Variants in DHRSX observed in about 807,000 individuals in gnomAD.
The protein encoded by DHRSX is polyprenol dehydrogenase.
A neutral mutation model predicts 34.0 loss-of-function variants in DHRSX; 31 were observed. The observed-to-expected ratio is 0.91, with a 90% CI of 0.69 to 1.23. DHRSX has a LOEUF of 1.23. Ranked by LOEUF, DHRSX falls within the 50% of genes most tolerant of loss-of-function variation. The probability of loss-of-function intolerance (pLI) is 0.00; values close to 1 mark genes in which losing one functional copy is unlikely to be tolerated. For missense variants in DHRSX, 414 were observed against 428.1 expected (o/e 0.97, Z 0.29); for synonymous variants, 201 against 183.8 (o/e 1.09, Z -0.76).
At chrX:2,437,899 A>G (rs960919170) in intron 1 of DHRSX, among the ~76,000 whole-genome samples, 4 of 152,024 alleles carry the variant, frequency 2.6e-5, no homozygotes, top group Non-Finnish European at 4.4e-5. Context: ...TCAGAGTCCA[A>G]TTCATGAAAA....
chrX:2,425,291 T>C lies in DHRSX; in HGVS notation c.123A>G (p.Arg41=), dbSNP rs2043830155. ...GGFLEPVFPP[R]PDRVAIVTGG... is the part of the protein sequence containing the mutation. Reference sequence around the variant, plus strand: ...CCGTCACTATAGCGACACGGTCAGGTCGTGGGGGGAAAACTGAAAAAGAAG... The same window carrying C: ...CCGTCACTATAGCGACACGGTCAGGCCGTGGGGGGAAAACTGAAAAAGAAG... The change falls in exon 2 of 7, where the codon CGA becomes CGG. Residue 41 remains arginine (R), a synonymous_variant. Coordinates refer to ENST00000334651, the MANE Select transcript of DHRSX (RefSeq NM_145177.3). 1 of 1,613,248 alleles carries C rather than the reference T, an allele frequency of 6.2e-7. No individual in the cohort carries two copies. The highest frequency in any genetic ancestry group is 1.7e-5 in the Admixed American group (1 of 59,878).
At chrX:2,396,765 CT>C (rs71309495) in intron 3 of DHRSX, among the ~76,000 whole-genome samples, 60,590 of 127,948 alleles carry the variant, frequency 0.47, 13,801 homozygotes, top group African/African-American at 0.54. Context: ...CTGTGTCTCC[CT>C]TTTTTTTTTT....
intron 2 of DHRSX, among the ~76,000 whole-genome samples, chrX:2,418,827 G>C (rs1340861243): frequency 6.6e-6 from 1 of 152,180 alleles, no homozygotes; most frequent in East Asian, 1.9e-4. Flanking sequence ...TTGTCATGTT[G>C]TTAATGATAC....
chrX:2,485,197 G>A (rs1318317654), intron 1 of DHRSX, among the ~76,000 whole-genome samples: 1 of 152,128 alleles, frequency 6.6e-6, no homozygotes, highest in Non-Finnish European at 1.5e-5. Flanking sequence ...TTAGGGAAAT[G>A]TCTCTGTAAG....
chrX:2,223,042 G>A (rs370682888), intron 6 of DHRSX, among the ~76,000 whole-genome samples: 25 of 152,276 alleles, frequency 1.6e-4, no homozygotes, highest in African/African-American at 5.8e-4. Context: ...TCCCAAGTCT[G>A]GAAATCACCT....
intron 5 of DHRSX, among the ~76,000 whole-genome samples, chrX:2,250,369 G>A (rs183892673): frequency 6.6e-6 from 1 of 152,068 alleles, no homozygotes; most frequent in African/African-American, 2.4e-5. Context: ...AGTTTATTAT[G>A]AAAGTAGAAG....
intron 3 of DHRSX, among the ~76,000 whole-genome samples, chrX:2,382,603 CCATCACCATCATCACCACCAT>C (rs2043217486): frequency 8.7e-5 from 2 of 23,056 alleles, no homozygotes; most frequent in Non-Finnish European, 2.4e-4. Context: ...ACCATCATCA[CCATCACCATCATCACCACCAT>C]CATCACCATC....
chrX:2,344,847 A>C (rs1339225967), intron 3 of DHRSX, among the ~76,000 whole-genome samples: 1 of 140,250 alleles, frequency 7.1e-6, no homozygotes, highest in African/African-American at 2.6e-5. Context: ...CATGTACCCC[A>C]GAACTTAAAG....
chrX:2,359,890 C>G, intron 3 of DHRSX, among the ~76,000 whole-genome samples: 1 of 152,012 alleles, frequency 6.6e-6, no homozygotes, highest in South Asian at 2.1e-4. Context: ...CATATGGACA[C>G]AGAGAGGGGA....
chrX:2,276,379 A>G lies in DHRSX; in HGVS notation c.389-9432T>C, dbSNP rs181347357. ...TGTCTCTTCGCCAATTCAAAGGTGG[A>G]GAATACACAATAGAACTATCGTTCA... is the stretch of plus-strand genomic sequence containing the variant. On this transcript the variant is annotated intron_variant, in intron 4 of 6. Coordinates refer to ENST00000334651, the MANE Select transcript of DHRSX (RefSeq NM_145177.3). Among the ~76,000 whole-genome samples the G allele has an allele frequency of 8.6e-4, 131 of 152,322 alleles. 3 individuals are homozygous for G. In the East Asian group the frequency reaches 0.023, roughly 26 times the overall value.
chrX:2,249,892 G>T (rs2016396235), intron 5 of DHRSX, among the ~76,000 whole-genome samples: 1 of 151,864 alleles, frequency 6.6e-6, no homozygotes, highest in Non-Finnish European at 1.5e-5. Context: ...GGCCAGGCAT[G>T]GTGGCTCACG....
At chrX:2,340,143 A>C (rs1258549842) in intron 3 of DHRSX, among the ~76,000 whole-genome samples, 1 of 151,862 alleles carries the variant, frequency 6.6e-6, no homozygotes, top group Non-Finnish European at 1.5e-5. Context: ...GAACAATAAG[A>C]ACACATGGAC....
chrX:2,364,732 T>C (rs866209617), intron 3 of DHRSX, among the ~76,000 whole-genome samples: 37 of 152,252 alleles, frequency 2.4e-4, no homozygotes, highest in Non-Finnish European at 1.5e-5. Flanking sequence ...AAGTACATAT[T>C]TATCTATCAT....
chrX:2,253,361 G>C (rs1357225800), intron 5 of DHRSX, among the ~76,000 whole-genome samples: 1 of 120,582 alleles, frequency 8.3e-6, no homozygotes, highest in African/African-American at 2.6e-5. Flanking sequence ...CAGCCTGGGA[G>C]GCGGACATGG....
chrX:2,430,842 A>G (rs2043909664), intron 1 of DHRSX, among the ~76,000 whole-genome samples: 1 of 151,536 alleles, frequency 6.6e-6, no homozygotes, highest in African/African-American at 2.4e-5. Context: ...GTGAAGCCCC[A>G]TTGCTACAAA....
chrX:2,371,472 T>C (rs1402107162), intron 3 of DHRSX, among the ~76,000 whole-genome samples: 4 of 141,304 alleles, frequency 2.8e-5, no homozygotes, highest in African/African-American at 5.1e-5. Context: ...CTCGTTACCA[T>C]AGACCCTCCT....
At position 2,447,280 on chromosome X, in the gene DHRSX, T is replaced by C. The variant is rs751726942; in HGVS notation, c.110-21976A>G. ...TTCCCTAAGCATGCAGCCAAGGGACTGCCACCGTGTACACACTGAAGACAT... is the reference window on the plus strand; with the variant it reads ...TTCCCTAAGCATGCAGCCAAGGGACCGCCACCGTGTACACACTGAAGACAT... On this transcript the variant is annotated intron_variant, in intron 1 of 6. Coordinates refer to ENST00000334651, the MANE Select transcript of DHRSX (RefSeq NM_145177.3). Among the ~76,000 whole-genome samples, 21 of 151,416 alleles carry C rather than the reference T, an allele frequency of 1.4e-4. No individual in the cohort carries two copies. The East Asian group carries it at 3.9e-3, about 28-fold the overall frequency.
In DHRSX at chrX:2,243,788, G is replaced by GTT. The variant is rs778957532; in HGVS notation, c.597-560_597-559dup. 5.0e-3 allele frequency among the ~76,000 whole-genome samples: 125 copies of GTT among 25,134 alleles called. 5 individuals are homozygous for GTT. The highest frequency in any genetic ancestry group is 9.7e-3 in the East Asian group (5 of 518). The allele number at this position is 25,134 out of a possible 152,430, so 16.5% of individuals were successfully genotyped here. Reference sequence around the variant, plus strand: ...ACAGGCAGGAGCCACTATGCTCCCTGTTTTTTTTTTTTTTTTTTTTTTTTT... The same window carrying GTT: ...ACAGGCAGGAGCCACTATGCTCCCTGTTTTTTTTTTTTTTTTTTTTTTTTTTT... On this transcript the variant is annotated intron_variant, in intron 5 of 6. Transcript: ENST00000334651.
intron 3 of DHRSX, among the ~76,000 whole-genome samples, chrX:2,386,796 C>T (rs1251709942): frequency 6.6e-6 from 1 of 150,522 alleles, no homozygotes; most frequent in East Asian, 1.9e-4. Flanking sequence ...TCTGTCCTTG[C>T]TTCTTTTGTG....
Sources: allele counts gnomAD v4.1 joint callset (sites outside exome capture counted in the v4.1 genomes callset), GRCh38; gene constraint gnomAD v4.1.1; transcripts MANE v1.5; gene names NCBI Gene and HGNC (gene_info 2026-07-23, HGNC 2026-07-21).